Variants in SERPINE3 observed in about 807,000 individuals in gnomAD.
SERPINE3 encodes serpin family E member 3.
In SERPINE3, 43 loss-of-function variants were observed where a neutral mutation model predicts 41.7. The observed-to-expected ratio is 1.03, with a 90% CI of 0.81 to 1.33. SERPINE3 has a LOEUF of 1.33. Ranked by LOEUF, SERPINE3 falls within the 40% of genes most tolerant of loss-of-function variation. The pLI, the probability that SERPINE3 is intolerant of heterozygous loss-of-function variation, is 0.00. For synonymous variants in SERPINE3, 200 were observed against 192.2 expected, an observed-to-expected ratio of 1.04 and a Z score of -0.34; for missense variants, 440 against 491.7, an observed-to-expected ratio of 0.89 and a Z score of 0.99.
At position 51,341,271 on chromosome 13, in the gene SERPINE3, C is replaced by T. The variant is rs764715360; in HGVS notation, c.180C>T (p.Pro60=). ...TCTCTCCTGCTGGTGTGTCCCTCCC[C>T]CTGGAGATCCTGCAGTTTGGAGCAG... is the stretch of plus-strand genomic sequence containing the variant. ...FVISPAGVSL[P]LEILQFGAEG... Residue 60 remains proline, a synonymous_variant, in exon 3 of 10, where the codon CCC becomes CCT. Transcript: ENST00000681248. The T allele has an allele frequency of 1.9e-6, 3 of 1,613,844 alleles. No homozygotes were observed. Among genetic ancestry groups the T allele is most frequent in the Admixed American group, 1.7e-5 (1 of 60,006 alleles).
At chr13:51,341,518 G>A (rs1955291860) in intron 3 of SERPINE3, among the ~76,000 whole-genome samples, 171 bp downstream of exon 3, 1 of 152,180 alleles carries the variant, frequency 6.6e-6, no homozygotes, top group Non-Finnish European at 1.5e-5. Flanking sequence ...CTGGGAGATA[G>A]GGAGCTCAGC....
At chr13:51,346,243 G>T (rs1333077572) in intron 4 of SERPINE3, among the ~76,000 whole-genome samples, 1 of 152,184 alleles carries the variant, frequency 6.6e-6, no homozygotes, top group African/African-American at 2.4e-5. Flanking sequence ...TTTAACTGCA[G>T]CCCTACAAAG....
At chr13:51,341,369 A>G in intron 3 of SERPINE3, 22 bp downstream of exon 3, 1 of 1,558,606 alleles carries the variant, frequency 6.4e-7, no homozygotes, top group South Asian at 1.2e-5. Context: ...GCCCACGTGC[A>G]CACTCACTTA....
At chr13:51,343,599 C>G (rs889903485) in intron 3 of SERPINE3, among the ~76,000 whole-genome samples, 1 of 152,232 alleles carries the variant, frequency 6.6e-6, no homozygotes, top group Non-Finnish European at 1.5e-5. Flanking sequence ...TTCTTGCAGC[C>G]TTTCACTGAC....
intron 3 of SERPINE3, among the ~76,000 whole-genome samples, chr13:51,341,767 GGAT>G (rs1424865322): frequency 6.6e-6 from 1 of 152,156 alleles, no homozygotes; most frequent in African/African-American, 2.4e-5. Flanking sequence ...GCTCTGTTGA[GGAT>G]GATAATTTTA....
rs751034762 is a variant in SERPINE3 at position 51,344,177 on chromosome 13, A to G, written c.257-75A>G. 4.8e-6 allele frequency: 5 copies of G among 1,033,030 alleles called. No homozygotes were observed. In the Admixed American group the frequency reaches 9.8e-5, roughly 20 times the overall value. 64.0% of individuals were successfully genotyped at this position (1,033,030 alleles called of 1,614,324 possible). A position where few individuals can be genotyped will look rare whatever the true frequency, so the allele number is the denominator to read the frequency against. ...AGTTGCTGGCGTTCCATCTCAATGC[A>G]ATGTGTGCTGGAGGTTGTGCTAACT... On this transcript the variant is annotated intron_variant, in intron 3 of 9. Transcript: ENST00000681248.
chr13:51,363,837 AC>A (rs1955632272), intron 9 of SERPINE3: 1 of 153,428 alleles, frequency 6.5e-6, no homozygotes, highest in African/African-American at 2.4e-5. Flanking sequence ...GCTACTTCTC[AC>A]CTCCCTCCAG....
At chr13:51,348,139 C>T in intron 5 of SERPINE3, 74 bp from the exon 6 acceptor site, 1 of 1,178,992 alleles carries the variant, frequency 8.5e-7, no homozygotes, top group East Asian at 2.6e-5. Context: ...GAGCCAGCCT[C>T]TCTCAGGGTC....
At chr13:51,353,620 CG>C (rs767834272) in intron 6 of SERPINE3, among the ~76,000 whole-genome samples, 2 of 152,118 alleles carry the variant, frequency 1.3e-5, no homozygotes, top group Admixed American at 1.3e-4. Context: ...AAGAAAATTT[CG>C]TAAGAGATAG....
At chr13:51,360,279 C>A (rs928894745) in intron 7 of SERPINE3, among the ~76,000 whole-genome samples, 2 of 151,954 alleles carry the variant, frequency 1.3e-5, no homozygotes, top group African/African-American at 4.8e-5. Flanking sequence ...CATGTTGGAG[C>A]TGACTAGCAT....
rs74084815 is a variant in SERPINE3, at chr13:51,361,943, T to C, written c.1171+50T>C. ...TTCAGATAATTTATCAGTGTCTCTCTAGCAACAAGGGCTCATTTGTCCACT... is the reference window on the plus strand; with the variant it reads ...TTCAGATAATTTATCAGTGTCTCTCCAGCAACAAGGGCTCATTTGTCCACT... On this transcript the variant is annotated intron_variant, in intron 9 of 9. Coordinates refer to ENST00000681248, the MANE Select transcript of SERPINE3 (RefSeq NM_001386375.1). 1.6e-3 allele frequency: 2,563 copies of C among 1,611,994 alleles called. 42 individuals carry two copies. The African/African-American group carries it at 0.031, about 20-fold the overall frequency.
Position 51,341,082 on chromosome 13 carries a change from C to T in SERPINE3, c.-10C>T. ...CTTCCCTCTGAATTGCAGGAACCCT[C>T]CCAGCCTCCATGCCGCCTTTCCTGA... is the stretch of plus-strand genomic sequence containing the variant. On this transcript the variant is annotated 5_prime_UTR_variant, in exon 3 of 10. Transcript: ENST00000681248. 6.2e-7 allele frequency: 1 copy of T among 1,612,888 alleles called. No homozygotes were observed. Among genetic ancestry groups the T allele is most frequent in the South Asian group, 1.1e-5 (1 of 90,966 alleles).
chr13:51,346,964 T>C (rs2137776895), intron 4 of SERPINE3, 61 bp from the exon 5 acceptor site: 3 of 1,277,044 alleles, frequency 2.3e-6, no homozygotes, highest in East Asian at 5.1e-5. Flanking sequence ...GCACACACAC[T>C]GGGTTCGGTT....
chr13:51,358,605 T>C lies in SERPINE3; in HGVS notation c.1001-2673T>C, dbSNP rs78975468. Among the ~76,000 whole-genome samples the C allele has an allele frequency of 4.9e-3, 750 of 152,254 alleles. 6 individuals carry two copies. The highest frequency in any genetic ancestry group is 0.017 in the African/African-American group (718 of 41,554). On this transcript the variant is annotated intron_variant, in intron 7 of 9. Coordinates refer to ENST00000681248, the MANE Select transcript of SERPINE3 (RefSeq NM_001386375.1). ...TATAGTGGTAAGGGGTGTCTATTAT[T>C]AATTCATCCAGCATTTACTAAACAC...
intron 8 of SERPINE3, 194 bp from the exon 9 acceptor site, chr13:51,361,616 A>C: frequency 1.7e-6 from 1 of 600,798 alleles, no homozygotes; most frequent in Admixed American, 3.2e-5. Context: ...AATGTGTTGA[A>C]AACAGGAGAC....
intron 8 of SERPINE3, 36 bp downstream of exon 8, chr13:51,361,400 C>A: frequency 7.8e-7 from 1 of 1,277,902 alleles, no homozygotes; most frequent in East Asian, 2.3e-5. Flanking sequence ...ACTGCTTACC[C>A]ATATCTACCT....
chr13:51,343,853 T>A (rs907558618), intron 3 of SERPINE3, among the ~76,000 whole-genome samples: 1 of 152,214 alleles, frequency 6.6e-6, no homozygotes, highest in Non-Finnish European at 1.5e-5. Flanking sequence ...AATCTCCTGA[T>A]GTGTTTGAAA....
At chr13:51,358,378 G>C (rs115472330) in intron 7 of SERPINE3, among the ~76,000 whole-genome samples, 1 of 152,128 alleles carries the variant, frequency 6.6e-6, no homozygotes, top group African/African-American at 2.4e-5. Context: ...TTTATACAAC[G>C]TCATGTTTTG....
chr13:51,348,158 G>A, intron 5 of SERPINE3, 55 bp from the exon 6 acceptor site: 2 of 1,395,310 alleles, frequency 1.4e-6, no homozygotes, highest in South Asian at 1.3e-5. Flanking sequence ...TCCGACACTG[G>A]TTCATTCTCC....
Sources: allele counts gnomAD v4.1 joint callset (sites outside exome capture counted in the v4.1 genomes callset), GRCh38; gene constraint gnomAD v4.1.1; transcripts MANE v1.5; gene names NCBI Gene and HGNC (gene_info 2026-07-23, HGNC 2026-07-21).